The following BRWD3 variants were observed in gnomAD, a reference collection of about 807,000 sequenced individuals.
BRWD3 encodes the protein bromodomain and WD repeat domain containing 3.
Under a neutral mutation model 149.7 loss-of-function variants are expected in BRWD3, and 10 were observed. The ratio of observed to expected loss-of-function variants is 0.07; its 90% confidence interval spans 0.04 to 0.11. BRWD3 has a LOEUF of 0.11. Ranked by LOEUF, BRWD3 falls within the 10% of genes least tolerant of loss-of-function variation. The pLI, the probability that BRWD3 is intolerant of heterozygous loss-of-function variation, is 1.00. For synonymous variants in BRWD3, 504 were observed against 456.7 expected (o/e 1.10, Z -1.32); for missense variants, 940 against 1,373.2 (o/e 0.68, Z 4.99).
At position 80,790,327 on chromosome X, in the gene BRWD3, C is replaced by T. The variant is rs201206298; in HGVS notation, c.430+1527G>A. The stretch of plus-strand genomic sequence containing the variant: ...CCACAAAGAGAAAACTGCCTCAAAT[C>T]ACAAACTGGAAAGATTTCATATCCA... On this transcript the variant is annotated intron_variant, in intron 6 of 40. Transcript: ENST00000373275. Among the ~76,000 whole-genome samples, 7 of 109,381 alleles carry T rather than the reference C, an allele frequency of 6.4e-5. No individual in the cohort carries two copies. The East Asian group carries it at 2.1e-3, about 32-fold the overall frequency. The allele number at this position is 109,381 out of a possible 115,157, so 95.0% of individuals were successfully genotyped here.
At chrX:80,796,558 A>G (rs1259296442) in intron 4 of BRWD3, among the ~76,000 whole-genome samples, 1 of 112,019 alleles carries the variant, frequency 8.9e-6, no homozygotes, top group Non-Finnish European at 1.9e-5. Flanking sequence ...TTCTGGTAAC[A>G]TGAGTGAATC....
chrX:80,676,141 A>G lies in BRWD3; in HGVS notation c.*468T>C, dbSNP rs1458204208. On this transcript the variant is annotated 3_prime_UTR_variant, in exon 41 of 41. Transcript: ENST00000373275. ...GCCTTTAGGATTGGTGTATTGTGCA[A>G]AAGTTATTATTACTGGGTATAGGAA... is the stretch of plus-strand genomic sequence containing the variant. 8.0e-6 allele frequency: 1 copy of G among 124,861 alleles called. No individual in the cohort carries two copies. Among genetic ancestry groups the G allele is most frequent in the Non-Finnish European group, 1.7e-5 (1 of 60,348 alleles). 10.3% of individuals were successfully genotyped at this position (124,861 alleles called of 1,213,427 possible).
intron 8 of BRWD3, among the ~76,000 whole-genome samples, chrX:80,740,293 T>C (rs1190586887): frequency 8.9e-6 from 1 of 112,494 alleles, no homozygotes; most frequent in Non-Finnish European, 1.9e-5. Flanking sequence ...AATATTTCTC[T>C]GTTTTGCTCT....
At chrX:80,790,193 CAAAAAAAAAAAA>C (rs10711199) in intron 6 of BRWD3, among the ~76,000 whole-genome samples, 1 of 35,316 alleles carries the variant, frequency 2.8e-5, no homozygotes, top group Non-Finnish European at 4.8e-5. Flanking sequence ...GACTCTGTCT[CAAAAAAAAAAAA>C]AAAAAAAAAA....
At chrX:80,698,161 T>A (rs2072728353) in intron 25 of BRWD3, among the ~76,000 whole-genome samples, 1 of 112,067 alleles carries the variant, frequency 8.9e-6, no homozygotes, top group South Asian at 3.7e-4. Flanking sequence ...AGATTGTTTG[T>A]TTTTTTGCTT....
chrX:80,687,936 T>C lies in BRWD3; in HGVS notation c.3864+133A>G, dbSNP rs1247531322. On this transcript the variant is annotated intron_variant, in intron 34 of 40. Coordinates refer to ENST00000373275, the MANE Select transcript of BRWD3 (RefSeq NM_153252.5). ...TACTGCATCACTCTAATAAATATTA[T>C]CAATGAGCATACCTAATATACTTAG... is the stretch of plus-strand genomic sequence containing the variant. 5.7e-6 allele frequency: 3 copies of C among 526,950 alleles called. No homozygotes were observed. The East Asian group carries it at 1.0e-4, about 18-fold the overall frequency. 43.4% of individuals were successfully genotyped at this position (526,950 alleles called of 1,213,427 possible).
intron 4 of BRWD3, among the ~76,000 whole-genome samples, chrX:80,801,281 C>T (rs2074294580): frequency 2.5e-5 from 2 of 78,772 alleles, no homozygotes; most frequent in African/African-American, 5.3e-5. Context: ...GGGCAGTGGG[C>T]GAGATCTGGG....
chrX:80,692,494 A>C lies in BRWD3; in HGVS notation c.3264-344T>G, dbSNP rs150338848. Among the ~76,000 whole-genome samples the C allele has an allele frequency of 5.7e-4, 64 of 112,226 alleles. No individual in the cohort carries two copies. The East Asian group carries it at 0.011, about 19-fold the overall frequency. On this transcript the variant is annotated intron_variant, in intron 28 of 40. Transcript: ENST00000373275. ...CAAGAATAATTAAAGTAGATGTTGA[A>C]AACAAATAGTACTTCCAAACATGAT...
At chrX:80,755,575 G>A (rs375073538) in intron 6 of BRWD3, among the ~76,000 whole-genome samples, 2 of 111,480 alleles carry the variant, frequency 1.8e-5, no homozygotes, top group South Asian at 7.4e-4. Flanking sequence ...AAATAACTTG[G>A]CAATATACTT....
intron 10 of BRWD3, among the ~76,000 whole-genome samples, 184 bp downstream of exon 10, chrX:80,734,942 GA>G (rs200450954): frequency 9.2e-5 from 10 of 108,124 alleles, no homozygotes; most frequent in East Asian, 2.9e-4. Context: ...TATGAATAAG[GA>G]AAAAAAAATC....
intron 4 of BRWD3, 137 bp downstream of exon 4, chrX:80,808,402 G>A: frequency 1.9e-6 from 1 of 535,153 alleles, no homozygotes; most frequent in Admixed American, 2.8e-5. Flanking sequence ...AGGGATGGGG[G>A]AAGGGGCAGT....
chrX:80,805,619 T>C (rs2074341488), intron 4 of BRWD3, among the ~76,000 whole-genome samples: 1 of 111,769 alleles, frequency 8.9e-6, no homozygotes, highest in Non-Finnish European at 1.9e-5. Context: ...TATAAATCTA[T>C]CATTCCAATA....
intron 27 of BRWD3, among the ~76,000 whole-genome samples, chrX:80,695,695 T>C (rs1001874323): frequency 5.4e-5 from 6 of 111,679 alleles, no homozygotes; most frequent in South Asian, 3.8e-4. Context: ...TGTATACTAA[T>C]AGAGTAGGTA....
chrX:80,798,559 T>C (rs749153794), intron 4 of BRWD3, among the ~76,000 whole-genome samples: 2 of 110,774 alleles, frequency 1.8e-5, no homozygotes, highest in East Asian at 5.6e-4. Flanking sequence ...TCGGAACAGT[T>C]AAGTGCTCTG....
intron 4 of BRWD3, among the ~76,000 whole-genome samples, chrX:80,794,763 A>C (rs907282498): frequency 6.3e-5 from 7 of 110,758 alleles, no homozygotes; most frequent in Non-Finnish European, 1.3e-4. Context: ...AATCTTATGA[A>C]ATAAGTGTTA....
In BRWD3 at chrX:80,722,785, A is replaced by G. The variant is rs962835997; in HGVS notation, c.1653T>C (p.Ile551=). Residue 551 remains isoleucine, a splice_region_variant and synonymous_variant, in exon 17 of 41, where the codon ATT becomes ATC. Coordinates refer to ENST00000373275, the MANE Select transcript of BRWD3 (RefSeq NM_153252.5). ...CCGTGTGGAAGAACATCTGATCTGG[A>G]ATCTTTATGACAGATTTTTAGTGGG... ...GFGCSKYYEK[I]PDQMFFHTDY... The G allele has an allele frequency of 8.4e-6, 10 of 1,193,177 alleles. No individual in the cohort carries two copies. The highest frequency in any genetic ancestry group is 1.1e-5 in the Non-Finnish European group (10 of 879,841).
At chrX:80,809,072 A>G in intron 2 of BRWD3, 30 bp from the exon 3 acceptor site, 2 of 1,179,057 alleles carry the variant, frequency 1.7e-6, no homozygotes, top group African/African-American at 1.8e-5. Context: ...AGATATGAGG[A>G]GCAGCTCGGG....
intron 24 of BRWD3, 104 bp downstream of exon 24, chrX:80,703,374 CTG>C: frequency 2.0e-6 from 1 of 505,306 alleles, no homozygotes. Flanking sequence ...AGATAAGACA[CTG>C]TATATATTAT....
chrX:80,697,343 C>A (rs921212463), intron 25 of BRWD3, among the ~76,000 whole-genome samples: 1 of 111,172 alleles, frequency 9.0e-6, no homozygotes, highest in African/African-American at 3.3e-5. Flanking sequence ...ACTTCAGATT[C>A]ATGGGGTACA....
Sources: gnomAD v4.1 joint callset for allele counts (sites outside exome capture counted in the v4.1 genomes callset) on GRCh38, gnomAD v4.1.1 for gene constraint, MANE v1.5 for transcripts, NCBI Gene and HGNC (gene_info 2026-07-23, HGNC 2026-07-21) for gene names.